PCDH7: variants seen among roughly 807,000 people sequenced by gnomAD.
The protein encoded by PCDH7 is protocadherin 7.
Under a neutral mutation model 58.9 loss-of-function variants are expected in PCDH7, and 17 were observed. The observed-to-expected ratio is 0.29, with a 90% CI of 0.20 to 0.43. PCDH7 has a LOEUF of 0.43. PCDH7 is among the 20% of genes least tolerant of loss of function. The pLI is 1.00. For synonymous variants in PCDH7, 664 were observed against 616.4 expected (o/e 1.08, Z -1.14); for missense variants, 1,274 against 1,441.0 (o/e 0.88, Z 1.88).
rs977834781 is a variant in PCDH7, at chr4:30,859,435, CT to C, written c.71-60706del. Among the ~76,000 whole-genome samples, 132 of 143,842 alleles carry C rather than the reference CT, an allele frequency of 9.2e-4. 1 individual carries two copies. Among genetic ancestry groups the C allele is most frequent in the East Asian group, 5.1e-3 (25 of 4,918 alleles). 94.4% of individuals were successfully genotyped at this position (143,842 alleles called of 152,430 possible). A position where few individuals can be genotyped will look rare whatever the true frequency, so the allele number is the denominator to read the frequency against. On this transcript the variant is annotated intron_variant, in intron 1 of 3. Transcript: ENST00000509759. ...TGCATCAGAGAAAGCTCTAATTCTT[CT>C]TTTTTTTTTTTCTTTTTTTTTGAGA... is the stretch of plus-strand genomic sequence containing the variant.
At chr4:30,922,871 A>AG (rs1374881861) in intron 2 of PCDH7, among the ~76,000 whole-genome samples, 3 of 152,106 alleles carry the variant, frequency 2.0e-5, no homozygotes, top group Non-Finnish European at 4.4e-5. Context: ...TTGAGTAACA[A>AG]ATTTGTTGGG....
At chr4:31,027,387 A>G (rs1195847602) in intron 3 of PCDH7, among the ~76,000 whole-genome samples, 2 of 151,716 alleles carry the variant, frequency 1.3e-5, no homozygotes, top group Non-Finnish European at 2.9e-5. Flanking sequence ...ATTCACATTT[A>G]TATGTTATGT....
At chr4:30,923,492 T>G (rs1743447160) in intron 2 of PCDH7, among the ~76,000 whole-genome samples, 1 of 152,174 alleles carries the variant, frequency 6.6e-6, no homozygotes, top group Non-Finnish European at 1.5e-5. Context: ...TACGCTATAT[T>G]CTAAAACACA....
At chr4:30,756,176 C>G (rs1443028686) in intron 1 of PCDH7, among the ~76,000 whole-genome samples, 1 of 152,094 alleles carries the variant, frequency 6.6e-6, no homozygotes, top group East Asian at 1.9e-4. Context: ...AGCTTTATAA[C>G]AACCCACTCT....
At chr4:30,812,941 T>C (rs1050266567) in intron 1 of PCDH7, among the ~76,000 whole-genome samples, 1 of 152,198 alleles carries the variant, frequency 6.6e-6, no homozygotes, top group African/African-American at 2.4e-5. Context: ...GGCAACATAA[T>C]TCTAAGCATT....
intron 1 of PCDH7, among the ~76,000 whole-genome samples, chr4:30,785,144 T>C (rs1001420571): frequency 1.3e-5 from 2 of 152,078 alleles, no homozygotes; most frequent in African/African-American, 4.8e-5. Flanking sequence ...AATAGTTAAA[T>C]AGTTGATAAC....
intron 3 of PCDH7, among the ~76,000 whole-genome samples, chr4:31,070,426 T>G (rs1486347880): frequency 6.6e-6 from 1 of 152,074 alleles, no homozygotes; most frequent in African/African-American, 2.4e-5. Flanking sequence ...ACTTTTTGTT[T>G]AATAGAATTC....
Position 30,729,184 on chromosome 4 carries a change from T to G in PCDH7, c.3175-1569T>G, listed in dbSNP as rs78184980. The stretch of plus-strand genomic sequence containing the variant: ...GTGGACTAGAGTCCAAGTTATGGAA[T>G]GTAGTGTCCAGTATTCTTATTTATC... On this transcript the variant is annotated intron_variant, in intron 1 of 1. Transcript: ENST00000361762. 2.1e-4 allele frequency among the ~76,000 whole-genome samples: 32 copies of G among 152,094 alleles called. No individual in the cohort carries two copies. In the East Asian group the frequency reaches 4.1e-3, roughly 19 times the overall value.
intron 1 of PCDH7, among the ~76,000 whole-genome samples, chr4:30,780,922 C>A (rs919150342): frequency 6.6e-5 from 10 of 152,278 alleles, no homozygotes; most frequent in African/African-American, 1.9e-4. Flanking sequence ...TCTGACCTCA[C>A]CTTGTATCTT....
intron 3 of PCDH7, among the ~76,000 whole-genome samples, chr4:31,110,533 C>T (rs1304705115): frequency 6.6e-6 from 1 of 152,150 alleles, no homozygotes; most frequent in Non-Finnish European, 1.5e-5. Flanking sequence ...GTTTATCTCT[C>T]TATATACAAA....
At chr4:30,937,403 A>G (rs1745488866) in intron 2 of PCDH7, among the ~76,000 whole-genome samples, 1 of 152,074 alleles carries the variant, frequency 6.6e-6, no homozygotes, top group South Asian at 2.1e-4. Flanking sequence ...TATCTTAGCT[A>G]TTTTGAGTCT....
intron 3 of PCDH7, among the ~76,000 whole-genome samples, chr4:31,097,626 ATATATATATAT>A (rs1560221861): frequency 2.3e-5 from 1 of 42,722 alleles, no homozygotes; most frequent in African/African-American, 1.6e-4. Flanking sequence ...ATATATATAT[ATATATATATAT>A]AAATCTTTTT....
intron 3 of PCDH7, among the ~76,000 whole-genome samples, chr4:30,979,017 A>G (rs13137108): frequency 0.19 from 28,497 of 151,954 alleles, 3,364 homozygotes; most frequent in South Asian, 0.28. Flanking sequence ...GTTAATAACA[A>G]TTTTCATTGG....
At chr4:30,882,003 G>A (rs2109371761) in intron 1 of PCDH7, among the ~76,000 whole-genome samples, 1 of 152,182 alleles carries the variant, frequency 6.6e-6, no homozygotes, top group African/African-American at 2.4e-5. Flanking sequence ...GAGTCTTATT[G>A]TAGATGTCAC....
At chr4:31,076,580 T>G (rs2109260815) in intron 3 of PCDH7, among the ~76,000 whole-genome samples, 1 of 152,330 alleles carries the variant, frequency 6.6e-6, no homozygotes, top group East Asian at 1.9e-4. Context: ...ATACAGTTTA[T>G]TCAAACAAAC....
At chr4:31,032,584 G>T (rs2109188853) in intron 3 of PCDH7, among the ~76,000 whole-genome samples, 1 of 148,838 alleles carries the variant, frequency 6.7e-6, no homozygotes, top group East Asian at 2.0e-4. Context: ...CTCCAGCCTG[G>T]GTGATAGAGT....
At chr4:30,801,552 C>T (rs1027495930) in intron 1 of PCDH7, among the ~76,000 whole-genome samples, 1 of 152,150 alleles carries the variant, frequency 6.6e-6, no homozygotes, top group Admixed American at 6.6e-5. Flanking sequence ...AAAATCAATT[C>T]AATCCCTGCT....
At chr4:31,083,396 A>G (rs1463955336) in intron 3 of PCDH7, among the ~76,000 whole-genome samples, 1 of 152,138 alleles carries the variant, frequency 6.6e-6, no homozygotes, top group Non-Finnish European at 1.5e-5. Context: ...AATTATTACC[A>G]ATTTTAAGAA....
chr4:31,102,528 G>A (rs544534384), intron 3 of PCDH7, among the ~76,000 whole-genome samples: 1 of 152,218 alleles, frequency 6.6e-6, no homozygotes, highest in Admixed American at 6.5e-5. Flanking sequence ...TTCGAGACCA[G>A]CCTGGCCAAC....
Sources: gnomAD v4.1 joint callset for allele counts (sites outside exome capture counted in the v4.1 genomes callset) on GRCh38, gnomAD v4.1.1 for gene constraint, MANE v1.5 for transcripts, NCBI Gene and HGNC (gene_info 2026-07-23, HGNC 2026-07-21) for gene names.